Variants in AGAP1 observed in about 807,000 individuals in gnomAD.
AGAP1 encodes ArfGAP with GTPase domain, ankyrin repeat and PH domain 1, also known as arf-GAP with GTPase, ANK repeat and PH domain-containing protein 1.
Under a neutral mutation model 105.3 loss-of-function variants are expected in AGAP1, and 29 were observed. The ratio of observed to expected loss-of-function variants is 0.28; its 90% CI spans 0.21 to 0.38. The LOEUF is 0.38. AGAP1 is among the 10% of genes least tolerant of loss of function. AGAP1 has a pLI of 1.00. For synonymous variants in AGAP1, 509 were observed against 485.9 expected (o/e 1.05, Z -0.63); for missense variants, 998 against 1,165.1 (o/e 0.86, Z 2.09).
At chr2:235,890,765 C>T (rs1469506394) in intron 10 of AGAP1, among the ~76,000 whole-genome samples, 1 of 152,116 alleles carries the variant, frequency 6.6e-6, no homozygotes, top group Non-Finnish European at 1.5e-5. Flanking sequence ...AATTCTTTCA[C>T]TGGGTAGGAA....
intron 12 of AGAP1, among the ~76,000 whole-genome samples, chr2:235,940,219 C>T (rs1416139862): frequency 2.0e-5 from 3 of 152,162 alleles, no homozygotes; most frequent in African/African-American, 7.2e-5. Context: ...TGTCCTGTAC[C>T]TCCACCTCCT....
intron 2 of AGAP1, among the ~76,000 whole-genome samples, chr2:235,709,581 C>T (rs991564685): frequency 3.3e-5 from 5 of 151,718 alleles, no homozygotes; most frequent in Admixed American, 1.3e-4. Context: ...CAGGATGTCA[C>T]GGAAGGCTCC....
chr2:236,059,160 T>G (rs2058121849), intron 16 of AGAP1, among the ~76,000 whole-genome samples: 1 of 149,748 alleles, frequency 6.7e-6, no homozygotes. Flanking sequence ...GACCGTATCT[T>G]TAAAAAAAAA....
At chr2:235,847,346 A>G (rs900690628) in intron 9 of AGAP1, among the ~76,000 whole-genome samples, 4 of 152,196 alleles carry the variant, frequency 2.6e-5, no homozygotes, top group Non-Finnish European at 2.9e-5. Flanking sequence ...TGCTCTTTCT[A>G]CTCACTGACT....
chr2:235,676,776 A>G (rs1345807055), intron 1 of AGAP1, among the ~76,000 whole-genome samples: 1 of 152,200 alleles, frequency 6.6e-6, no homozygotes, highest in East Asian at 1.9e-4. Context: ...ATTTGAAACA[A>G]TTATATTAAC....
At position 235,744,851 on chromosome 2, in the gene AGAP1, T is replaced by G. The variant is rs199790517; in HGVS notation, c.538+12T>G. 3.8e-5 allele frequency: 61 copies of G among 1,613,960 alleles called. 1 individual carries two copies. In the East Asian group the frequency reaches 1.3e-3, roughly 35 times the overall value. On this transcript the variant is annotated intron_variant, in intron 5 of 17. Coordinates refer to ENST00000304032, the MANE Select transcript of AGAP1 (RefSeq NM_001037131.3). The surrounding 1 kb of genome is among the most constrained non-coding windows in gnomAD (Gnocchi z 5.2). ...GGTGGGAACCCAGGGTGAGTGATGT[T>G]CGTGTGCAGATTGTTTTGAAAGGGT...
intron 4 of AGAP1, among the ~76,000 whole-genome samples, chr2:235,742,040 A>G (rs1204256289): frequency 6.6e-6 from 1 of 152,180 alleles, no homozygotes; most frequent in Non-Finnish European, 1.5e-5. Flanking sequence ...GGCGTGAGCC[A>G]CCGCGCCCGA....
Position 236,045,958 on chromosome 2 carries a change from C to G in AGAP1, c.1892-3101C>G, listed in dbSNP as rs1224333557. 1 of 471,740 alleles carries G rather than the reference C, an allele frequency of 2.1e-6. No individual in the cohort carries two copies. The highest frequency in any genetic ancestry group is 2.3e-5 in the Admixed American group (1 of 42,592). 29.2% of individuals were successfully genotyped at this position (471,740 alleles called of 1,614,324 possible). A position where few individuals can be genotyped will look rare whatever the true frequency, so the allele number is the denominator to read the frequency against. On this transcript the variant is annotated intron_variant, in intron 15 of 17. Coordinates refer to ENST00000304032, the MANE Select transcript of AGAP1 (RefSeq NM_001037131.3). The surrounding 1 kb of genome is among the most constrained non-coding windows in gnomAD (Gnocchi z 6.9). Reference sequence around the variant, plus strand: ...GGGTTTCAGAGAATTCGGAGTCCGGCACAGGAATGTGTCCCACGCATGAAT... The same window carrying G: ...GGGTTTCAGAGAATTCGGAGTCCGGGACAGGAATGTGTCCCACGCATGAAT...
At chr2:235,506,253 T>A (rs1941804749) in intron 1 of AGAP1, among the ~76,000 whole-genome samples, 1 of 152,172 alleles carries the variant, frequency 6.6e-6, no homozygotes, top group Admixed American at 6.5e-5. Context: ...TTTATTTATT[T>A]AGCTCGGGTT....
At chr2:236,004,568 C>T (rs751436357) in intron 13 of AGAP1, among the ~76,000 whole-genome samples, 5 of 152,226 alleles carry the variant, frequency 3.3e-5, no homozygotes, top group Non-Finnish European at 5.9e-5. Context: ...ATACCCTCCT[C>T]CCACAATTCC....
intron 6 of AGAP1, among the ~76,000 whole-genome samples, chr2:235,782,411 T>C (rs936470004): frequency 2.0e-5 from 3 of 152,224 alleles, no homozygotes; most frequent in Non-Finnish European, 4.4e-5. Context: ...ATCTAAAATT[T>C]CACAAGCTGT....
In AGAP1 at chr2:235,655,751, C is replaced by T. The variant is rs1357863129; in HGVS notation, c.164-53428C>T. ...TTTTGTGAAGAAAGGATCTTTAGTGCCACGTGTGTATTTTTAACACATTTC... is the reference window on the plus strand; with the variant it reads ...TTTTGTGAAGAAAGGATCTTTAGTGTCACGTGTGTATTTTTAACACATTTC... On this transcript the variant is annotated intron_variant, in intron 1 of 17. Coordinates refer to ENST00000304032, the MANE Select transcript of AGAP1 (RefSeq NM_001037131.3). This position sits in a 1 kb window ranked among gnomAD's most constrained non-coding sequence, Gnocchi z 4.3. Among the ~76,000 whole-genome samples, 3 of 152,284 alleles carry T rather than the reference C, an allele frequency of 2.0e-5. No homozygotes were observed. In the South Asian group the frequency reaches 6.2e-4, roughly 32 times the overall value.
intron 13 of AGAP1, among the ~76,000 whole-genome samples, chr2:236,006,568 T>C (rs887289720): frequency 1.3e-5 from 2 of 152,266 alleles, no homozygotes; most frequent in African/African-American, 4.8e-5. Context: ...CTAAGTGTTT[T>C]AACATGAGGA....
intron 16 of AGAP1, among the ~76,000 whole-genome samples, chr2:236,108,229 C>CCTACCGAGAAAGGAAGCCCCTCTCT (rs2059551013): frequency 6.6e-6 from 1 of 152,242 alleles, no homozygotes; most frequent in Non-Finnish European, 1.5e-5. Context: ...GGGGTCTTCC[C>CCTACCGAGAAAGGAAGCCCCTCTCT]CTACCGAGAA....
At chr2:236,116,384 C>T (rs1445109939) in intron 16 of AGAP1, among the ~76,000 whole-genome samples, 1 of 104,674 alleles carries the variant, frequency 9.6e-6, no homozygotes, top group South Asian at 3.4e-4. Flanking sequence ...GAGTTTTGCT[C>T]TGTCGCCCAC....
At position 236,005,482 on chromosome 2, in the gene AGAP1, T is replaced by G. The variant is rs1248116159; in HGVS notation, c.1646-31079T>G. Among the ~76,000 whole-genome samples the G allele has an allele frequency of 1.3e-5, 2 of 152,166 alleles. No individual in the cohort carries two copies. Among genetic ancestry groups the G allele is most frequent in the Non-Finnish European group, 2.9e-5 (2 of 68,022 alleles). Reference sequence around the variant, plus strand: ...ACCTCTTTCATTAGTATGGTACATTTCTTAGAGTTCATGAGTCAATATTGA... The same window carrying G: ...ACCTCTTTCATTAGTATGGTACATTGCTTAGAGTTCATGAGTCAATATTGA... On this transcript the variant is annotated intron_variant, in intron 13 of 17. Transcript: ENST00000304032. The surrounding 1 kb of genome is among the most constrained non-coding windows in gnomAD (Gnocchi z 4.1).
intron 9 of AGAP1, among the ~76,000 whole-genome samples, chr2:235,815,704 C>T (rs894976558): frequency 9.9e-5 from 15 of 152,106 alleles, no homozygotes; most frequent in African/African-American, 2.2e-4. Context: ...TTGAAGAGGC[C>T]GCATGCGTTA....
At chr2:235,502,354 C>T (rs528321177) in intron 1 of AGAP1, among the ~76,000 whole-genome samples, 5 of 152,244 alleles carry the variant, frequency 3.3e-5, no homozygotes, top group East Asian at 1.9e-4. Flanking sequence ...GGACATTTTC[C>T]GTAAAGAGCA....
In AGAP1 at chr2:236,078,172, GTGTATA is replaced by G. The variant is rs1355511095; in HGVS notation, c.2114+28897_2114+28902del. On this transcript the variant is annotated intron_variant, in intron 16 of 17. Coordinates refer to ENST00000304032, the MANE Select transcript of AGAP1 (RefSeq NM_001037131.3). This position sits in a 1 kb window ranked among gnomAD's most constrained non-coding sequence, Gnocchi z 5.3. The stretch of plus-strand genomic sequence containing the variant: ...CAGCCGGGGGTGTGTGTGTGTGTGT[GTGTATA>G]TGTATGTGTGTGTGTCACATCTGAA... Among the ~76,000 whole-genome samples, 3 of 151,690 alleles carry G rather than the reference GTGTATA, an allele frequency of 2.0e-5. No individual in the cohort carries two copies. The highest frequency in any genetic ancestry group is 2.0e-4 in the Admixed American group (3 of 15,212).
Sources: allele counts gnomAD v4.1 joint callset (sites outside exome capture counted in the v4.1 genomes callset), GRCh38; gene constraint gnomAD v4.1.1; non-coding constraint Gnocchi (gnomAD v3.1); transcripts MANE v1.5; gene names NCBI Gene and HGNC (gene_info 2026-07-23, HGNC 2026-07-21).